The following CNTN1 variants were observed in gnomAD, a reference collection of about 807,000 sequenced individuals.
The protein encoded by CNTN1 is contactin-1.
Under a neutral mutation model 126.4 loss-of-function variants are expected in CNTN1, and 38 were observed. The ratio of observed to expected loss-of-function variants is 0.30; its 90% confidence interval spans 0.23 to 0.39. CNTN1 has a LOEUF of 0.39. Ranked by LOEUF, CNTN1 falls within the 10% of genes least tolerant of loss-of-function variation. The pLI is 1.00. For synonymous variants in CNTN1, 413 were observed against 422.6 expected (o/e 0.98, Z 0.28); for missense variants, 1,009 against 1,248.4 (o/e 0.81, Z 2.89).
At chr12:41,049,012 G>T (rs1482397321) in intron 23 of CNTN1, among the ~76,000 whole-genome samples, 3 of 152,102 alleles carry the variant, frequency 2.0e-5, no homozygotes, top group Non-Finnish European at 4.4e-5. Context: ...TTCTAATTTA[G>T]GAGTAGTCCT....
intron 1 of CNTN1, among the ~76,000 whole-genome samples, chr12:40,773,643 A>G (rs2136436401): frequency 2.6e-4 from 1 of 3,800 alleles, no homozygotes; most frequent in South Asian, 0.019. Context: ...GTATATATAT[A>G]TATATATATA....
intron 14 of CNTN1, among the ~76,000 whole-genome samples, chr12:40,953,693 G>C (rs532875005): frequency 6.6e-6 from 1 of 152,078 alleles, no homozygotes; most frequent in South Asian, 2.1e-4. Context: ...TCGTAAAAGA[G>C]TTCATGGTGA....
chr12:40,777,700 G>A (rs922800837), intron 1 of CNTN1, among the ~76,000 whole-genome samples: 1 of 151,716 alleles, frequency 6.6e-6, no homozygotes, highest in Non-Finnish European at 1.5e-5. Flanking sequence ...GTTCTAAGGG[G>A]TGCATAAACT....
chr12:40,765,810 C>T (rs750760797), intron 1 of CNTN1, among the ~76,000 whole-genome samples: 4 of 145,230 alleles, frequency 2.8e-5, no homozygotes, highest in Non-Finnish European at 6.0e-5. Context: ...TTATCAATCT[C>T]CTGCTGTATA....
chr12:40,781,730 A>C (rs1939813859), intron 1 of CNTN1, among the ~76,000 whole-genome samples: 3 of 152,028 alleles, frequency 2.0e-5, no homozygotes, highest in Admixed American at 2.0e-4. Flanking sequence ...ATATAGCAGA[A>C]TAAAAGGCCC....
chr12:40,952,918 A>G (rs913677587), intron 14 of CNTN1, among the ~76,000 whole-genome samples: 1 of 152,198 alleles, frequency 6.6e-6, no homozygotes, highest in African/African-American at 2.4e-5. Flanking sequence ...ACTTCTTTCC[A>G]AACATCTATA....
chr12:40,946,501 C>T (rs1439534675), intron 14 of CNTN1, among the ~76,000 whole-genome samples: 8 of 152,060 alleles, frequency 5.3e-5, no homozygotes, highest in Admixed American at 5.3e-4. Context: ...AAATAAAACA[C>T]TGAAATAGAC....
At chr12:40,837,953 G>C (rs756031578) in intron 1 of CNTN1, among the ~76,000 whole-genome samples, 29 of 152,140 alleles carry the variant, frequency 1.9e-4, no homozygotes, top group Non-Finnish European at 4.0e-4. Flanking sequence ...TGGCCACTGA[G>C]GATAACCCCA....
intron 1 of CNTN1, among the ~76,000 whole-genome samples, chr12:40,823,431 T>C (rs956030389): frequency 2.6e-5 from 4 of 152,218 alleles, no homozygotes; most frequent in African/African-American, 7.2e-5. Context: ...TGATTTTTCA[T>C]TGGCAAAATG....
rs544237213 is a variant in CNTN1 at position 40,969,155 on chromosome 12, C to T, written c.1804+9921C>T. 3.3e-5 allele frequency among the ~76,000 whole-genome samples: 5 copies of T among 152,184 alleles called. No homozygotes were observed. The East Asian group carries it at 9.6e-4, about 29-fold the overall frequency. On this transcript the variant is annotated intron_variant, in intron 15 of 23. Coordinates refer to ENST00000551295, the MANE Select transcript of CNTN1 (RefSeq NM_001843.4). ...AGTTTTATTACCTATGATTTTTGTG[C>T]AGTCTGCCATTTCCAGTCTCGTGAC... is the stretch of plus-strand genomic sequence containing the variant.
chr12:41,060,956 C>A (rs1006805081), intron 23 of CNTN1, among the ~76,000 whole-genome samples: 1 of 152,066 alleles, frequency 6.6e-6, no homozygotes, highest in African/African-American at 2.4e-5. Flanking sequence ...TTTTACTTTG[C>A]ATTTTAACCC....
At chr12:40,977,586 G>GT (rs75851888) in intron 15 of CNTN1, among the ~76,000 whole-genome samples, 1 of 151,764 alleles carries the variant, frequency 6.6e-6, no homozygotes, top group Non-Finnish European at 1.5e-5. Context: ...CAGATCCCTG[G>GT]AATGACTGAC....
At chr12:40,999,566 C>T (rs1948303681) in intron 17 of CNTN1, among the ~76,000 whole-genome samples, 1 of 152,032 alleles carries the variant, frequency 6.6e-6, no homozygotes, top group South Asian at 2.1e-4. Flanking sequence ...TCAATTCCAC[C>T]TGTGAAAAAC....
At chr12:40,758,295 C>G (rs185198478) in intron 1 of CNTN1, among the ~76,000 whole-genome samples, 10 of 151,108 alleles carry the variant, frequency 6.6e-5, no homozygotes, top group Admixed American at 6.6e-4. Flanking sequence ...AAGTTCAAAA[C>G]AAAGTGTTTT....
chr12:41,060,286 T>C (rs958942866), intron 23 of CNTN1, among the ~76,000 whole-genome samples: 47 of 152,128 alleles, frequency 3.1e-4, no homozygotes, highest in Non-Finnish European at 4.6e-4. Context: ...CAGGGCCATG[T>C]ATCTGTTGAA....
chr12:40,889,747 G>T (rs1348283817), intron 1 of CNTN1, among the ~76,000 whole-genome samples: 1 of 152,148 alleles, frequency 6.6e-6, no homozygotes, highest in Admixed American at 6.5e-5. Context: ...CCTATCATAT[G>T]TACTCCAGTG....
intron 1 of CNTN1, among the ~76,000 whole-genome samples, chr12:40,783,731 A>G (rs1939893779): frequency 6.6e-6 from 1 of 152,258 alleles, no homozygotes; most frequent in Admixed American, 6.5e-5. Context: ...GTAATAAAAA[A>G]CCAAATAGAT....
chr12:40,981,715 C>T (rs1947827375), intron 16 of CNTN1, among the ~76,000 whole-genome samples: 1 of 152,046 alleles, frequency 6.6e-6, no homozygotes, highest in African/African-American at 2.4e-5. Context: ...CAATATCACA[C>T]ATTAATACAT....
intron 15 of CNTN1, chr12:40,979,391 A>G (rs1429271630): frequency 1.3e-5 from 2 of 152,124 alleles, no homozygotes; most frequent in African/African-American, 4.8e-5. Flanking sequence ...ATGTTCTTAT[A>G]AAGAAAAAGG....
Sources: gnomAD v4.1 joint callset for allele counts (sites outside exome capture counted in the v4.1 genomes callset) on GRCh38, gnomAD v4.1.1 for gene constraint, MANE v1.5 for transcripts, NCBI Gene and HGNC (gene_info 2026-07-23, HGNC 2026-07-21) for gene names.